The following ARHGEF26 variants were observed in gnomAD, a reference collection of about 807,000 sequenced individuals.
The protein encoded by ARHGEF26 is Rho guanine nucleotide exchange factor (GEF) 26.
A neutral mutation model predicts 89.4 loss-of-function variants in ARHGEF26; 59 were observed. That is an observed-to-expected ratio of 0.66 (90% CI 0.54 to 0.82). The LOEUF (loss-of-function observed/expected upper bound fraction) is 0.82. Among genes scored for constraint, ARHGEF26 ranks in the 40% least tolerant of loss-of-function variants. The pLI is 0.00. For missense variants in ARHGEF26, 1,234 were observed against 1,085.6 expected (o/e 1.14, Z -1.92); for synonymous variants, 500 against 428.4 (o/e 1.17, Z -2.06).
At chr3:154,202,178 T>C (rs1177657691) in intron 9 of ARHGEF26, among the ~76,000 whole-genome samples, 2 of 152,182 alleles carry the variant, frequency 1.3e-5, no homozygotes, top group Non-Finnish European at 2.9e-5. Context: ...AATTAATTTT[T>C]GTATAAGGTG....
intron 4 of ARHGEF26, among the ~76,000 whole-genome samples, chr3:154,135,701 G>A (rs575716394): frequency 1.3e-5 from 2 of 152,132 alleles, no homozygotes; most frequent in African/African-American, 4.8e-5. Flanking sequence ...TATTAGTCAG[G>A]GATGGAACAC....
At chr3:154,141,778 G>A (rs1027253402) in intron 4 of ARHGEF26, among the ~76,000 whole-genome samples, 8 of 152,230 alleles carry the variant, frequency 5.3e-5, no homozygotes, top group South Asian at 2.1e-4. Flanking sequence ...TGCTTGCAGT[G>A]TACTATAGTA....
intron 6 of ARHGEF26, among the ~76,000 whole-genome samples, chr3:154,153,532 T>C (rs1162034637): frequency 6.6e-6 from 1 of 152,084 alleles, no homozygotes; most frequent in Non-Finnish European, 1.5e-5. Context: ...AAGAATAAGG[T>C]TATTTTCTTA....
intron 6 of ARHGEF26, among the ~76,000 whole-genome samples, chr3:154,162,218 C>G (rs761219372): frequency 3.0e-4 from 45 of 152,128 alleles, no homozygotes; most frequent in Non-Finnish European, 5.3e-4. Context: ...GTAAAACAAG[C>G]AGGACCACAC....
chr3:154,181,549 T>C (rs542418447), intron 6 of ARHGEF26, among the ~76,000 whole-genome samples: 6 of 152,298 alleles, frequency 3.9e-5, no homozygotes, highest in African/African-American at 1.4e-4. Context: ...CTCCTTTTTT[T>C]CTGTGTTTCC....
chr3:154,252,899 C>A (rs1383853430), intron 12 of ARHGEF26, among the ~76,000 whole-genome samples: 1 of 134,870 alleles, frequency 7.4e-6, no homozygotes, highest in African/African-American at 2.7e-5. Flanking sequence ...AATAATGAGC[C>A]AAGTTCATTC....
At chr3:154,221,608 T>C (rs892805603) in intron 10 of ARHGEF26, among the ~76,000 whole-genome samples, 8 of 152,204 alleles carry the variant, frequency 5.3e-5, no homozygotes, top group African/African-American at 1.9e-4. Context: ...AAATAAATTA[T>C]AGTATACGCA....
chr3:154,188,019 G>C (rs1360150728), intron 7 of ARHGEF26, among the ~76,000 whole-genome samples, 182 bp downstream of exon 7: 1 of 152,188 alleles, frequency 6.6e-6, no homozygotes, highest in Non-Finnish European at 1.5e-5. Context: ...GAAAAATCTA[G>C]TGTGTAGAGA....
Position 154,149,404 on chromosome 3 carries a change from T to A in ARHGEF26, c.1285T>A (p.Leu429Ile), listed in dbSNP as rs1316891213. ...SQLSAVKRKG[L>I]SQTVSQEERK... ...TTTCTCCTAGGTGAAAAGAAAGGGATTATCTCAGACAGTAAGCCAGGAGGA... is the reference window on the plus strand; with the variant it reads ...TTTCTCCTAGGTGAAAAGAAAGGGAATATCTCAGACAGTAAGCCAGGAGGA... The change falls in exon 5 of 15, where the codon TTA becomes ATA. Residue 429 changes from leucine (L) to isoleucine (I), a missense_variant. Transcript: ENST00000465093. 1.9e-6 allele frequency: 3 copies of A among 1,607,198 alleles called. No homozygotes were observed. The highest frequency in any genetic ancestry group is 2.5e-6 in the Non-Finnish European group (3 of 1,176,604).
At chr3:154,187,946 T>TA in intron 7 of ARHGEF26, 109 bp downstream of exon 7, 1 of 1,092,098 alleles carries the variant, frequency 9.2e-7, no homozygotes, top group East Asian at 2.6e-5. Context: ...TGCCTCCTGA[T>TA]AGGCTATTTC....
chr3:154,144,269 G>A (rs544512263), intron 4 of ARHGEF26, among the ~76,000 whole-genome samples: 1 of 152,280 alleles, frequency 6.6e-6, no homozygotes, highest in East Asian at 1.9e-4. Flanking sequence ...TTGAATCTCA[G>A]CTTTCCAATT....
intron 12 of ARHGEF26, among the ~76,000 whole-genome samples, chr3:154,240,991 A>G (rs1425360587): frequency 6.6e-6 from 1 of 152,180 alleles, no homozygotes; most frequent in Non-Finnish European, 1.5e-5. Context: ...CCTACCTTCA[A>G]CCAGAGAGCA....
chr3:154,203,152 T>C (rs565222775), intron 9 of ARHGEF26, among the ~76,000 whole-genome samples: 133 of 152,334 alleles, frequency 8.7e-4, no homozygotes, highest in African/African-American at 2.8e-3. Flanking sequence ...GGATAGCTCT[T>C]ATTATTTAGA....
rs568996977 is a variant in ARHGEF26, at chr3:154,227,973, T to C, written c.2090+1963T>C. 3.3e-5 allele frequency among the ~76,000 whole-genome samples: 5 copies of C among 152,360 alleles called. No individual in the cohort carries two copies. The South Asian group carries it at 8.3e-4, about 25-fold the overall frequency. Reference sequence around the variant, plus strand: ...TTTGCACAGACCTACTCAATAAATATAGACTATTGAAAGTCAGAATTAAGG... The same window carrying C: ...TTTGCACAGACCTACTCAATAAATACAGACTATTGAAAGTCAGAATTAAGG... On this transcript the variant is annotated intron_variant, in intron 11 of 14. Coordinates refer to ENST00000465093, the MANE Select transcript of ARHGEF26 (RefSeq NM_015595.4).
At chr3:154,251,110 C>T (rs1353648573) in intron 12 of ARHGEF26, among the ~76,000 whole-genome samples, 2 of 152,172 alleles carry the variant, frequency 1.3e-5, no homozygotes, top group Non-Finnish European at 2.9e-5. Flanking sequence ...CAAGATACCA[C>T]AGTTTCCACC....
intron 6 of ARHGEF26, among the ~76,000 whole-genome samples, chr3:154,167,240 G>C (rs1313709436): frequency 6.6e-6 from 1 of 152,146 alleles, no homozygotes; most frequent in Non-Finnish European, 1.5e-5. Context: ...CTGTGTACCA[G>C]GCACTGTGCT....
chr3:154,152,903 T>G lies in ARHGEF26; in HGVS notation c.1458T>G (p.Asn486Lys). 2 of 1,598,546 alleles carry G rather than the reference T, an allele frequency of 1.3e-6. No homozygotes were observed. The highest frequency in any genetic ancestry group is 1.7e-6 in the Non-Finnish European group (2 of 1,173,020). ...TKTERHHLFS[N>K]ITDVCEASKK... ...CCGAGAGGCACCATCTTTTCTCCAA[T>G]ATTACAGATGTCTGTGAGGCAAGCA... The change falls in exon 6 of 15, where the codon AAT (asparagine) becomes AAG (lysine). Residue 486 changes from asparagine (N) to lysine (K), a missense_variant. Transcript: ENST00000465093.
chr3:154,163,611 A>C (rs1711802333), intron 6 of ARHGEF26, among the ~76,000 whole-genome samples: 1 of 152,158 alleles, frequency 6.6e-6, no homozygotes, highest in African/African-American at 2.4e-5. Context: ...AGTCAGACGG[A>C]GTGATGAGAT....
chr3:154,239,299 A>AGTGTGT (rs142191516), intron 11 of ARHGEF26, among the ~76,000 whole-genome samples: 32 of 64,318 alleles, frequency 5.0e-4, no homozygotes, highest in East Asian at 1.1e-3. Context: ...AGAGAGAGAG[A>AGTGTGT]GTGTGTGTGT....
Sources: allele counts gnomAD v4.1 joint callset (sites outside exome capture counted in the v4.1 genomes callset), GRCh38; gene constraint gnomAD v4.1.1; transcripts MANE v1.5; gene names NCBI Gene and HGNC (gene_info 2026-07-23, HGNC 2026-07-21).